The following WWOX variants were observed in gnomAD, a reference collection of about 807,000 sequenced individuals.
WWOX encodes WW domain-containing oxidoreductase.
In WWOX, 69 loss-of-function variants were observed where a neutral mutation model predicts 46.2. That is an observed-to-expected ratio of 1.49 (90% CI 1.23 to 1.82). The LOEUF (loss-of-function observed/expected upper bound fraction) is 1.82. Among genes scored for constraint, WWOX ranks in the 40% most tolerant of loss-of-function variants. The pLI, the probability that WWOX is intolerant of heterozygous loss-of-function variation, is 0.00. For synonymous variants in WWOX, 359 were observed against 202.6 expected, an observed-to-expected ratio of 1.77 and a Z score of -6.56; for missense variants, 919 against 542.6, an observed-to-expected ratio of 1.69 and a Z score of -6.89.
intron 8 of WWOX, among the ~76,000 whole-genome samples, chr16:78,591,322 A>G (rs963346526): frequency 6.6e-6 from 1 of 152,148 alleles, no homozygotes; most frequent in Admixed American, 6.5e-5. Context: ...AACTGTATCA[A>G]ATTTACATAG....
At chr16:78,361,956 A>T (rs1299991458) in intron 5 of WWOX, among the ~76,000 whole-genome samples, 5 of 138,694 alleles carry the variant, frequency 3.6e-5, no homozygotes, top group Non-Finnish European at 6.1e-5. Flanking sequence ...ATTAGCGTAG[A>T]TTCACAGGTA....
In WWOX at chr16:78,348,135, G is replaced by T. The variant is rs1020865410; in HGVS notation, c.517-38725G>T. On this transcript the variant is annotated intron_variant, in intron 5 of 8. Transcript: ENST00000566780. ...TGCTCCCTGCAATGGGAACAGAGCT[G>T]AGGCTCCTAAGGTCTAGAGTCAACA... Among the ~76,000 whole-genome samples the T allele has an allele frequency of 1.1e-4, 14 of 122,434 alleles. 3 individuals are homozygous for T. Among genetic ancestry groups the T allele is most frequent in the African/African-American group, 3.3e-4 (12 of 36,114 alleles). The allele number at this position is 122,434 out of a possible 152,430, so 80.3% of individuals were successfully genotyped here.
chr16:78,358,370 A>C (rs1336040458), intron 5 of WWOX, among the ~76,000 whole-genome samples: 1 of 152,186 alleles, frequency 6.6e-6, no homozygotes, highest in Non-Finnish European at 1.5e-5. Context: ...TAAATATAAT[A>C]ATTATAGCCA....
chr16:78,723,975 C>T (rs1477650715), intron 8 of WWOX, among the ~76,000 whole-genome samples: 1 of 152,174 alleles, frequency 6.6e-6, no homozygotes, highest in Non-Finnish European at 1.5e-5. Context: ...CCCATGGCCT[C>T]CATGGTACCC....
intron 8 of WWOX, among the ~76,000 whole-genome samples, chr16:78,766,021 G>A (rs893782299): frequency 1.3e-5 from 2 of 152,200 alleles, no homozygotes; most frequent in African/African-American, 4.8e-5. Context: ...AGTCTGCACA[G>A]AAAAGGTTTA....
At position 78,369,683 on chromosome 16, in the gene WWOX, C is replaced by T. The variant is rs142403250; in HGVS notation, c.517-17177C>T. Among the ~76,000 whole-genome samples, 702 of 152,136 alleles carry T rather than the reference C, an allele frequency of 4.6e-3. 5 individuals carry two copies. Among genetic ancestry groups the T allele is most frequent in the Non-Finnish European group, 5.8e-3 (394 of 68,000 alleles). ...GGGACCAATTTCTCCAGAAAGGTCT[C>T]TCTCGGTGGGAGGATTAATAAACAC... is the stretch of plus-strand genomic sequence containing the variant. On this transcript the variant is annotated intron_variant, in intron 5 of 8. Transcript: ENST00000566780.
intron 5 of WWOX, among the ~76,000 whole-genome samples, chr16:78,241,886 C>T (rs1042797099): frequency 1.3e-5 from 2 of 152,294 alleles, no homozygotes; most frequent in Middle Eastern, 3.4e-3. Flanking sequence ...CATTGCCTGG[C>T]AGCGTCACGT....
intron 8 of WWOX, among the ~76,000 whole-genome samples, chr16:78,507,187 C>T (rs1417938408): frequency 2.0e-5 from 3 of 152,166 alleles, no homozygotes; most frequent in Admixed American, 6.5e-5. Flanking sequence ...GGAGACAGAA[C>T]ATGAGTGATT....
At chr16:78,671,547 C>A (rs1394984860) in intron 8 of WWOX, among the ~76,000 whole-genome samples, 1 of 152,118 alleles carries the variant, frequency 6.6e-6, no homozygotes, top group Non-Finnish European at 1.5e-5. Context: ...AACCCTGCCC[C>A]TTCTAGTTTT....
chr16:78,395,122 G>T (rs754693449), intron 6 of WWOX, among the ~76,000 whole-genome samples: 1 of 152,158 alleles, frequency 6.6e-6, no homozygotes, highest in Non-Finnish European at 1.5e-5. Context: ...AGGTTTCTGA[G>T]AATATATAGA....
chr16:78,547,655 C>A (rs2044072881), intron 8 of WWOX, among the ~76,000 whole-genome samples: 1 of 152,156 alleles, frequency 6.6e-6, no homozygotes, highest in African/African-American at 2.4e-5. Flanking sequence ...GATCAAGCTG[C>A]TGGCAGATTG....
intron 8 of WWOX, among the ~76,000 whole-genome samples, chr16:78,822,208 G>A (rs764334373): frequency 5.3e-5 from 8 of 152,040 alleles, no homozygotes; most frequent in East Asian, 1.9e-4. Context: ...AAAAATCTAC[G>A]TGAGGCCAGG....
chr16:78,773,873 A>G (rs17709200), intron 8 of WWOX, among the ~76,000 whole-genome samples: 49,849 of 152,100 alleles, frequency 0.33, 8,688 homozygotes, highest in South Asian at 0.39. Context: ...TTCTGTTGGC[A>G]TCATTCGCAT....
intron 5 of WWOX, among the ~76,000 whole-genome samples, chr16:78,375,302 C>G (rs1192169051): frequency 6.6e-6 from 1 of 152,244 alleles, no homozygotes; most frequent in Non-Finnish European, 1.5e-5. Context: ...CGGCATTCAG[C>G]CAAACAGCCT....
intron 8 of WWOX, among the ~76,000 whole-genome samples, chr16:78,722,869 T>A (rs1480654471): frequency 6.6e-6 from 1 of 151,842 alleles, no homozygotes. Context: ...AATGAAAACC[T>A]AATGTCTACA....
At chr16:78,860,618 G>A (rs990180864) in intron 8 of WWOX, among the ~76,000 whole-genome samples, 6 of 152,188 alleles carry the variant, frequency 3.9e-5, no homozygotes, top group Admixed American at 6.5e-5. Context: ...AGAAGGTAAG[G>A]CAACAAACAC....
chr16:78,970,942 C>T (rs867417325), intron 8 of WWOX, among the ~76,000 whole-genome samples: 1 of 152,282 alleles, frequency 6.6e-6, no homozygotes, highest in South Asian at 2.1e-4. Flanking sequence ...TTGCTTACTT[C>T]TGCAGCAGAT....
intron 8 of WWOX, among the ~76,000 whole-genome samples, chr16:79,151,149 C>T (rs947000721): frequency 1.3e-5 from 2 of 152,194 alleles, no homozygotes; most frequent in African/African-American, 4.8e-5. Flanking sequence ...AAATTCCCCT[C>T]CTGCTTTCCA....
intron 8 of WWOX, among the ~76,000 whole-genome samples, chr16:78,949,984 C>G (rs2046025612): frequency 6.6e-6 from 1 of 152,174 alleles, no homozygotes; most frequent in African/African-American, 2.4e-5. Flanking sequence ...CTATAATACT[C>G]CCATTTGACA....
Sources: gnomAD v4.1 joint callset for allele counts (sites outside exome capture counted in the v4.1 genomes callset) on GRCh38, gnomAD v4.1.1 for gene constraint, MANE v1.5 for transcripts, NCBI Gene and HGNC (gene_info 2026-07-23, HGNC 2026-07-21) for gene names.